TOM1L2: variants seen among roughly 807,000 people sequenced by gnomAD.
TOM1L2 encodes the protein TOM1-like protein 2.
Under a neutral mutation model 67.9 loss-of-function variants are expected in TOM1L2, and 31 were observed. The observed-to-expected ratio is 0.46, with a 90% CI of 0.34 to 0.62. TOM1L2 has a LOEUF of 0.62. TOM1L2 is among the 20% of genes least tolerant of loss of function. The probability of loss-of-function intolerance (pLI) is 0.01; values close to 1 mark genes in which losing one functional copy is unlikely to be tolerated. For missense variants in TOM1L2, 606 were observed against 663.5 expected (o/e 0.91, Z 0.95); for synonymous variants, 256 against 254.0 (o/e 1.01, Z -0.07).
chr17:17,967,464 A>G (rs117890270), intron 1 of TOM1L2, among the ~76,000 whole-genome samples: 4,260 of 152,352 alleles, frequency 0.028, 80 homozygotes, highest in Middle Eastern at 0.041. Flanking sequence ...ATGTCATCCA[A>G]CTCCAAGCAG....
chr17:17,904,516 T>C lies in TOM1L2; in HGVS notation c.137+2931A>G, dbSNP rs550991906. Among the ~76,000 whole-genome samples, 11 of 151,880 alleles carry C rather than the reference T, an allele frequency of 7.2e-5. No individual in the cohort carries two copies. The South Asian group carries it at 2.3e-3, about 32-fold the overall frequency. ...AGCTCAAAGTGGAGCTGCCGAGGGG[T>C]CTGGGGCTCCTCATGAGGGGCCTGG... On this transcript the variant is annotated intron_variant, in intron 2 of 14. Transcript: ENST00000379504.
At chr17:17,862,583 A>C in intron 11 of TOM1L2, 148 bp downstream of exon 11, 1 of 682,974 alleles carries the variant, frequency 1.5e-6, no homozygotes, top group Non-Finnish European at 2.6e-6. Flanking sequence ...CAGTATCTGC[A>C]TCTAATGCCA....
chr17:17,848,893 A>G, intron 13 of TOM1L2, 34 bp from the exon 14 acceptor site: 1 of 1,613,828 alleles, frequency 6.2e-7, no homozygotes, highest in Admixed American at 1.7e-5. Flanking sequence ...AAATTAGGGC[A>G]CTGGTCCAAG....
At chr17:17,928,568 CCAGACGGCCCCCGCGTGAGCAT>C (rs2040192074) in intron 1 of TOM1L2, among the ~76,000 whole-genome samples, 1 of 152,178 alleles carries the variant, frequency 6.6e-6, no homozygotes, top group South Asian at 2.1e-4. Flanking sequence ...AGTGAGGGCC[CCAGACGGCCCCCGCGTGAGCAT>C]GCACACACGA....
chr17:17,876,762 T>G (rs1277408181), intron 7 of TOM1L2, among the ~76,000 whole-genome samples: 1 of 152,194 alleles, frequency 6.6e-6, no homozygotes, highest in Non-Finnish European at 1.5e-5. Context: ...GAGGCATTAA[T>G]TCATAGGCCT....
intron 1 of TOM1L2, among the ~76,000 whole-genome samples, chr17:17,948,241 C>T (rs7208950): frequency 4.2e-4 from 64 of 152,254 alleles, no homozygotes; most frequent in African/African-American, 1.5e-3. Flanking sequence ...ATCTTGATAC[C>T]AAGATAAATA....
At chr17:17,919,355 G>A (rs937570218) in intron 1 of TOM1L2, among the ~76,000 whole-genome samples, 1 of 151,916 alleles carries the variant, frequency 6.6e-6, no homozygotes, top group African/African-American at 2.4e-5. Flanking sequence ...TCCCATTCCC[G>A]TGTCACCACT....
At chr17:17,892,279 G>T (rs1392626152) in intron 4 of TOM1L2, among the ~76,000 whole-genome samples, 6 of 152,056 alleles carry the variant, frequency 3.9e-5, no homozygotes, top group Non-Finnish European at 8.8e-5. Flanking sequence ...GCCTGCCCCG[G>T]CACTCCACTT....
chr17:17,917,693 C>A (rs113257509), intron 1 of TOM1L2, among the ~76,000 whole-genome samples: 2 of 116,164 alleles, frequency 1.7e-5, no homozygotes, highest in Non-Finnish European at 3.4e-5. Flanking sequence ...CCAGCTCATG[C>A]CTGTAAATCC....
chr17:17,889,104 C>T (rs566357488), intron 4 of TOM1L2, among the ~76,000 whole-genome samples: 9 of 152,294 alleles, frequency 5.9e-5, no homozygotes, highest in South Asian at 2.1e-4. Flanking sequence ...ACTGAGCCCT[C>T]GCACATGTTG....
At chr17:17,957,856 C>A (rs902701936) in intron 1 of TOM1L2, among the ~76,000 whole-genome samples, 1 of 151,574 alleles carries the variant, frequency 6.6e-6, no homozygotes, top group African/African-American at 2.4e-5. Context: ...AATCCCAGGC[C>A]GAGGTGGGCG....
At position 17,884,620 on chromosome 17, in the gene TOM1L2, AG is replaced by A; in HGVS notation, c.501+13del. 1 of 1,613,840 alleles carries A rather than the reference AG, an allele frequency of 6.2e-7. No homozygotes were observed. The highest frequency in any genetic ancestry group is 8.5e-7 in the Non-Finnish European group (1 of 1,179,938). ...GCAGTAGGTCTTTCTAGAAAGTGCC[AG>A]CTGGAAGCTTACCCGCTGTGGTGTG... On this transcript the variant is annotated intron_variant, in intron 5 of 14. Coordinates refer to ENST00000379504, the MANE Select transcript of TOM1L2 (RefSeq NM_001082968.2).
At position 17,844,787 on chromosome 17, in the gene TOM1L2, A is replaced by G. The variant is rs1274113071; in HGVS notation, c.*2848T>C. ...GAATGGTTAGTTTTCACATCTCAGC[A>G]ACAATGAACGCAGAAAGGGTTAAAC... is the stretch of plus-strand genomic sequence containing the variant. On this transcript the variant is annotated 3_prime_UTR_variant, in exon 15 of 15. Coordinates refer to ENST00000379504, the MANE Select transcript of TOM1L2 (RefSeq NM_001082968.2). 1 of 152,256 alleles carries G rather than the reference A, an allele frequency of 6.6e-6. No individual in the cohort carries two copies. Among genetic ancestry groups the G allele is most frequent in the Non-Finnish European group, 1.5e-5 (1 of 68,038 alleles). 9.4% of individuals were successfully genotyped at this position (152,256 alleles called of 1,614,324 possible).
At chr17:17,949,957 G>A (rs959948583) in intron 1 of TOM1L2, among the ~76,000 whole-genome samples, 9 of 151,110 alleles carry the variant, frequency 6.0e-5, no homozygotes, top group South Asian at 2.1e-4. Context: ...TGCAAGCTCC[G>A]CCTCCCGGGT....
At chr17:17,897,184 A>G (rs912433584) in intron 3 of TOM1L2, among the ~76,000 whole-genome samples, 24 of 152,294 alleles carry the variant, frequency 1.6e-4, no homozygotes, top group African/African-American at 5.5e-4. Context: ...GATATATTAG[A>G]GCTCATTCCC....
rs1351812165 is a variant in TOM1L2 at position 17,885,005 on chromosome 17, A to G, written c.367-237T>C. ...TGAACAAAAACACAAAACTTAATTT[A>G]GCATGTATTTCCTTGGAGAAGAGAC... is the stretch of plus-strand genomic sequence containing the variant. On this transcript the variant is annotated intron_variant, in intron 4 of 14. Transcript: ENST00000379504. Among the ~76,000 whole-genome samples, 6 of 152,384 alleles carry G rather than the reference A, an allele frequency of 3.9e-5. No homozygotes were observed. The East Asian group carries it at 1.2e-3, about 29-fold the overall frequency.
At chr17:17,893,297 C>T (rs574524693) in intron 4 of TOM1L2, among the ~76,000 whole-genome samples, 103 of 152,260 alleles carry the variant, frequency 6.8e-4, no homozygotes, top group African/African-American at 2.4e-3. Context: ...TACCTTGCTC[C>T]GCCTGACCCA....
chr17:17,901,774 C>T (rs921655313), intron 2 of TOM1L2, among the ~76,000 whole-genome samples: 28 of 152,226 alleles, frequency 1.8e-4, no homozygotes, highest in Non-Finnish European at 1.5e-5. Flanking sequence ...GTAAATGACC[C>T]AGGTCAGGGG....
chr17:17,923,798 G>T (rs2039976225), intron 1 of TOM1L2, among the ~76,000 whole-genome samples: 3 of 152,046 alleles, frequency 2.0e-5, no homozygotes, highest in Non-Finnish European at 4.4e-5. Context: ...CTGGAGGCTG[G>T]GAGACACTCC....
Sources: allele counts gnomAD v4.1 joint callset (sites outside exome capture counted in the v4.1 genomes callset), GRCh38; gene constraint gnomAD v4.1.1; transcripts MANE v1.5; gene names NCBI Gene and HGNC (gene_info 2026-07-23, HGNC 2026-07-21).